Variants in SHQ1 observed in about 807,000 individuals in gnomAD.
SHQ1 encodes SHQ1, H/ACA ribonucleoprotein assembly factor, also known as protein SHQ1 homolog.
In SHQ1, 49 loss-of-function variants were observed where a neutral mutation model predicts 53.8. The ratio of observed to expected loss-of-function variants is 0.91; its 90% CI spans 0.72 to 1.16. The LOEUF (loss-of-function observed/expected upper bound fraction) is 1.16. Ranked by LOEUF, SHQ1 falls within the 50% of genes most tolerant of loss-of-function variation. SHQ1 has a pLI of 0.00. For missense variants in SHQ1, 738 were observed against 683.1 expected (o/e 1.08, Z -0.90); for synonymous variants, 243 against 251.0 (o/e 0.97, Z 0.30).
At position 72,841,052 on chromosome 3, in the gene SHQ1, C is replaced by A; in HGVS notation, c.479G>T (p.Arg160Leu). The change falls in exon 4 of 11, where the codon CGG (arginine) becomes CTG (leucine). Residue 160 changes from arginine (R) to leucine (L), a missense_variant. Transcript: ENST00000325599. ...TTCAGAAAGACAACATACCTGTAAC[C>A]GTTGCAACACTCCTGATCGTAAGTT... ...FGNLRSGVLQ[R>L]LQDELSDVID... 1 of 1,609,916 alleles carries A rather than the reference C, an allele frequency of 6.2e-7. No individual in the cohort carries two copies. The highest frequency in any genetic ancestry group is 1.1e-5 in the South Asian group (1 of 89,856).
chr3:72,812,799 G>C lies in SHQ1; in HGVS notation c.937-5C>G. On this transcript the variant is annotated splice_region_variant and splice_polypyrimidine_tract_variant and intron_variant, in intron 8 of 10. Coordinates refer to ENST00000325599, the MANE Select transcript of SHQ1 (RefSeq NM_018130.3). ...ATCATGAACGTTAGTCCAAGTCTGT[G>C]AAGTGTCATTTTAATAAGCAGTCAT... is the stretch of plus-strand genomic sequence containing the variant. 1 of 1,613,598 alleles carries C rather than the reference G, an allele frequency of 6.2e-7. No individual in the cohort carries two copies. The highest frequency in any genetic ancestry group is 8.5e-7 in the Non-Finnish European group (1 of 1,179,810).
chr3:72,781,637 C>G (rs1575688115), intron 10 of SHQ1, among the ~76,000 whole-genome samples: 2 of 152,046 alleles, frequency 1.3e-5, no homozygotes, highest in South Asian at 4.2e-4. Flanking sequence ...AGTCCCCGAA[C>G]CCCAACACTA....
intron 4 of SHQ1, among the ~76,000 whole-genome samples, chr3:72,835,519 C>T (rs1707966875): frequency 6.6e-6 from 1 of 152,124 alleles, no homozygotes; most frequent in South Asian, 2.1e-4. Flanking sequence ...GAAATAAAGT[C>T]ATAAATGGGG....
At chr3:72,751,539 T>TAGAC (rs1456991894) in intron 10 of SHQ1, among the ~76,000 whole-genome samples, 1 of 120,160 alleles carries the variant, frequency 8.3e-6, no homozygotes, top group Non-Finnish European at 1.7e-5. Flanking sequence ...TACATATACA[T>TAGAC]ACACTAATAA....
At chr3:72,803,310 A>G (rs1255222737) in intron 9 of SHQ1, among the ~76,000 whole-genome samples, 1 of 152,230 alleles carries the variant, frequency 6.6e-6, no homozygotes, top group South Asian at 2.1e-4. Context: ...AGTAGGCTAC[A>G]GTCGAGCCAT....
chr3:72,846,015 A>G (rs182118110), intron 1 of SHQ1, among the ~76,000 whole-genome samples: 6 of 152,316 alleles, frequency 3.9e-5, no homozygotes, highest in Admixed American at 3.9e-4. Flanking sequence ...AGAATCATAA[A>G]TCCCTCTTCT....
chr3:72,826,004 C>A lies in SHQ1; in HGVS notation c.600-1453G>T, dbSNP rs186032151. Among the ~76,000 whole-genome samples, 243 of 152,246 alleles carry A rather than the reference C, an allele frequency of 1.6e-3. 2 individuals are homozygous for A. Among genetic ancestry groups the A allele is most frequent in the Non-Finnish European group, 3.2e-3 (216 of 68,008 alleles). On this transcript the variant is annotated intron_variant, in intron 5 of 10. Coordinates refer to ENST00000325599, the MANE Select transcript of SHQ1 (RefSeq NM_018130.3). ...GGGTACTATCAATATCCTCATTTTACAAAGGTAGAAACTGAGGCTCAGAAA... is the reference window on the plus strand; with the variant it reads ...GGGTACTATCAATATCCTCATTTTAAAAAGGTAGAAACTGAGGCTCAGAAA...
At chr3:72,774,012 G>T (rs1044339430) in intron 10 of SHQ1, among the ~76,000 whole-genome samples, 3 of 152,104 alleles carry the variant, frequency 2.0e-5, no homozygotes, top group Admixed American at 2.0e-4. Flanking sequence ...TAAATCCTCC[G>T]AGGACAAGAA....
intron 10 of SHQ1, among the ~76,000 whole-genome samples, chr3:72,778,517 A>T (rs536171576): frequency 1.3e-3 from 198 of 152,274 alleles, no homozygotes; most frequent in African/African-American, 4.5e-3. Flanking sequence ...TATTCAGTTC[A>T]TTACTATTCT....
At chr3:72,806,036 T>G (rs1706932723) in intron 9 of SHQ1, among the ~76,000 whole-genome samples, 1 of 152,210 alleles carries the variant, frequency 6.6e-6, no homozygotes, top group African/African-American at 2.4e-5. Context: ...CCTTTAATGT[T>G]TACGTTTATA....
chr3:72,726,733 C>T, the SHQ1 span, among the ~76,000 whole-genome samples: 101 of 152,258 alleles, frequency 6.6e-4, no homozygotes, highest in African/African-American at 2.1e-3. Context: ...TGATGAGGAC[C>T]ATGACAGATT....
rs149975815 is a variant in SHQ1 at position 72,756,728 on chromosome 3, A to G, written c.1182-5892T>C. ...CACACTCAAAATAGATTTTTCTTAG[A>G]AAGTTACTGGAAATGTAATCCTACA... On this transcript the variant is annotated intron_variant, in intron 10 of 10. Coordinates refer to ENST00000325599, the MANE Select transcript of SHQ1 (RefSeq NM_018130.3). 9.2e-3 allele frequency among the ~76,000 whole-genome samples: 1,409 copies of G among 152,386 alleles called. 16 individuals are homozygous for G. Among genetic ancestry groups the G allele is most frequent in the African/African-American group, 0.03 (1,262 of 41,590 alleles).
intron 10 of SHQ1, among the ~76,000 whole-genome samples, chr3:72,775,822 A>C (rs1177542086): frequency 6.6e-6 from 1 of 152,230 alleles, no homozygotes; most frequent in Non-Finnish European, 1.5e-5. Context: ...TGAGGAAAAA[A>C]TGCAATAAAA....
At position 72,813,760 on chromosome 3, in the gene SHQ1, C is replaced by CAAAA. The variant is rs757465696; in HGVS notation, c.937-970_937-967dup. 9.5e-3 allele frequency among the ~76,000 whole-genome samples: 383 copies of CAAAA among 40,408 alleles called. 5 individuals carry two copies. Among genetic ancestry groups the CAAAA allele is most frequent in the African/African-American group, 0.03 (332 of 10,986 alleles). The allele number at this position is 40,408 out of a possible 152,430, so 26.5% of individuals were successfully genotyped here. On this transcript the variant is annotated intron_variant, in intron 8 of 10. Coordinates refer to ENST00000325599, the MANE Select transcript of SHQ1 (RefSeq NM_018130.3). ...TAGGTGACAGAGCGAGACACCATCT[C>CAAAA]AAAAAAAAAAAAAAAAAAAAATACA...
At chr3:72,841,556 GGA>G (rs2106959012) in intron 3 of SHQ1, among the ~76,000 whole-genome samples, 1 of 152,272 alleles carries the variant, frequency 6.6e-6, no homozygotes, top group South Asian at 2.1e-4. Flanking sequence ...TGGTTACCCT[GGA>G]GAGAGGGCAA....
chr3:72,841,086 C>T lies in SHQ1; in HGVS notation c.445G>A (p.Gly149Arg). 6.2e-7 allele frequency: 1 copy of T among 1,613,842 alleles called. No homozygotes were observed. The highest frequency in any genetic ancestry group is 8.5e-7 in the Non-Finnish European group (1 of 1,179,902). ...ACTCCTGATCGTAAGTTTCCAAATC[C>T]ATAGTGGCACTGCGGATTCAAAGCA... Reference protein sequence around the residue: ...ESALNPQCHYGFGNLRSGVLQ... With the variant: ...ESALNPQCHYRFGNLRSGVLQ... The change falls in exon 4 of 11, where the codon GGA becomes AGA. Residue 149 changes from glycine (G) to arginine (R), a missense_variant. Transcript: ENST00000325599.
At chr3:72,783,572 C>T (rs62251658) in intron 10 of SHQ1, among the ~76,000 whole-genome samples, 1 of 152,028 alleles carries the variant, frequency 6.6e-6, no homozygotes, top group Non-Finnish European at 1.5e-5. Flanking sequence ...CTTCAGCCTC[C>T]CAAAGTGATG....
At position 72,842,365 on chromosome 3, in the gene SHQ1, G is replaced by T. The variant is rs777141130; in HGVS notation, c.246C>A (p.Gly82=). 1.9e-6 allele frequency: 3 copies of T among 1,613,730 alleles called. No individual in the cohort carries two copies. The highest frequency in any genetic ancestry group is 2.5e-6 in the Non-Finnish European group (3 of 1,179,766). Residue 82 remains glycine (G), a synonymous_variant, in exon 3 of 11, where the codon GGC becomes GGA. Transcript: ENST00000325599. ...ACATGTTCAGCCCCTCAAAATGCTGGCCAGGGGTTTCTTTGGGCAGGCGAA... is the reference window on the plus strand; with the variant it reads ...ACATGTTCAGCCCCTCAAAATGCTGTCCAGGGGTTTCTTTGGGCAGGCGAA... ...FTIRLPKETP[G]QHFEGLNMLT... is the part of the protein sequence containing the mutation.
intron 1 of SHQ1, 27 bp downstream of exon 1, chr3:72,848,171 T>C (rs761443383): frequency 6.2e-7 from 1 of 1,613,846 alleles, no homozygotes; most frequent in East Asian, 2.2e-5. Flanking sequence ...AATGCGCCTT[T>C]CCTGCGGCCA....
Sources: gnomAD v4.1 joint callset for allele counts (sites outside exome capture counted in the v4.1 genomes callset) on GRCh38, gnomAD v4.1.1 for gene constraint, MANE v1.5 for transcripts, NCBI Gene and HGNC (gene_info 2026-07-23, HGNC 2026-07-21) for gene names.